The following PTPRD variants were observed in gnomAD, a reference collection of about 807,000 sequenced individuals.
PTPRD encodes protein tyrosine phosphatase receptor type D.
PTPRD carries 34 observed loss-of-function variants against 214.5 expected under a neutral mutation model. That is an observed-to-expected ratio of 0.16 (90% CI 0.12 to 0.21). The LOEUF (loss-of-function observed/expected upper bound fraction) is 0.21, where lower values mean the gene tolerates loss of function less well. Ranked by LOEUF, PTPRD falls within the 10% of genes least tolerant of loss-of-function variation. The probability of loss-of-function intolerance (pLI) is 1.00; values close to 1 mark genes in which losing one functional copy is unlikely to be tolerated. For synonymous variants in PTPRD, 1,128 were observed against 845.7 expected, an observed-to-expected ratio of 1.33 and a Z score of -5.79; for missense variants, 2,545 against 2,398.7, an observed-to-expected ratio of 1.06 and a Z score of -1.27.
intron 4 of PTPRD, among the ~76,000 whole-genome samples, chr9:9,954,017 C>A (rs1033789630): frequency 2.6e-5 from 4 of 152,138 alleles, no homozygotes; most frequent in South Asian, 2.1e-4. Context: ...AAAGAGCAGG[C>A]TGGTTGCGGT....
intron 2 of PTPRD, among the ~76,000 whole-genome samples, chr9:10,606,789 G>A (rs1471637698): frequency 1.3e-5 from 2 of 151,846 alleles, no homozygotes; most frequent in African/African-American, 4.8e-5. Context: ...TCGTGTAGCT[G>A]CTGAAGGAGT....
At chr9:8,816,124 C>A (rs74823645) in intron 11 of PTPRD, among the ~76,000 whole-genome samples, 2 of 152,140 alleles carry the variant, frequency 1.3e-5, no homozygotes, top group Admixed American at 1.3e-4. Context: ...CCCTTTGTCT[C>A]CTCAAAACAG....
At chr9:9,005,525 C>T (rs2099458687) in intron 11 of PTPRD, among the ~76,000 whole-genome samples, 1 of 152,026 alleles carries the variant, frequency 6.6e-6, no homozygotes, top group African/African-American at 2.4e-5. Context: ...AACCACCCAA[C>T]TTTCACAGAT....
chr9:9,615,826 A>T (rs975252763), intron 7 of PTPRD, among the ~76,000 whole-genome samples: 2 of 152,190 alleles, frequency 1.3e-5, no homozygotes, highest in Non-Finnish European at 2.9e-5. Context: ...ACTAAGCCTT[A>T]AACTTAGAAA....
chr9:10,150,677 T>C (rs879234263), intron 3 of PTPRD, among the ~76,000 whole-genome samples: 1 of 145,018 alleles, frequency 6.9e-6, no homozygotes, highest in Non-Finnish European at 1.5e-5. Context: ...AACTTAAAAA[T>C]GAAAAAAATA....
intron 2 of PTPRD, among the ~76,000 whole-genome samples, chr9:10,439,255 T>C (rs1412159888): frequency 1.3e-5 from 2 of 151,804 alleles, no homozygotes; most frequent in African/African-American, 2.4e-5. Flanking sequence ...TGAATGACTT[T>C]TTATGACCCA....
chr9:9,275,844 T>A (rs1945419044), intron 9 of PTPRD, among the ~76,000 whole-genome samples: 1 of 151,070 alleles, frequency 6.6e-6, no homozygotes, highest in African/African-American at 2.4e-5. Flanking sequence ...TGTGTGTGTG[T>A]GTGTGTGTGT....
At chr9:9,903,296 T>A (rs761068604) in intron 5 of PTPRD, among the ~76,000 whole-genome samples, 4 of 152,116 alleles carry the variant, frequency 2.6e-5, no homozygotes, top group Non-Finnish European at 4.4e-5. Flanking sequence ...AGAACTCGAG[T>A]AGTATTTTAA....
chr9:9,218,240 T>G (rs2099953548), intron 9 of PTPRD, among the ~76,000 whole-genome samples: 1 of 152,188 alleles, frequency 6.6e-6, no homozygotes, highest in Admixed American at 6.6e-5. Flanking sequence ...GTTTCAATTT[T>G]TTCTCTTTAT....
At chr9:10,006,444 C>T (rs576725609) in intron 4 of PTPRD, among the ~76,000 whole-genome samples, 10 of 151,862 alleles carry the variant, frequency 6.6e-5, no homozygotes, top group South Asian at 2.1e-4. Context: ...ATTGGCAAAC[C>T]GTTACTTATT....
chr9:10,410,348 T>C (rs1259862120), intron 2 of PTPRD, among the ~76,000 whole-genome samples: 1 of 149,342 alleles, frequency 6.7e-6, no homozygotes, highest in Non-Finnish European at 1.5e-5. Context: ...CATATTCCTC[T>C]CTCTGCATCT....
At chr9:9,365,987 A>T (rs1161222034) in intron 9 of PTPRD, among the ~76,000 whole-genome samples, 2 of 151,526 alleles carry the variant, frequency 1.3e-5, no homozygotes, top group African/African-American at 4.8e-5. Flanking sequence ...TTAAACTATA[A>T]TATTATAAAT....
rs564150876 is a variant in PTPRD at position 9,595,480 on chromosome 9, A to G, written c.-286-20699T>C. On this transcript the variant is annotated intron_variant, in intron 7 of 45. Coordinates refer to ENST00000381196, the MANE Select transcript of PTPRD (RefSeq NM_002839.4). ...TGTACGCATATGTACACATGCATAC[A>G]CATGTATGCATATGTACACATGTAC... 4.2e-3 allele frequency among the ~76,000 whole-genome samples: 632 copies of G among 150,836 alleles called. 5 individuals are homozygous for G. Among genetic ancestry groups the G allele is most frequent in the African/African-American group, 0.014 (587 of 41,134 alleles).
At chr9:8,776,098 G>A (rs2095461307) in intron 11 of PTPRD, among the ~76,000 whole-genome samples, 1 of 152,084 alleles carries the variant, frequency 6.6e-6, no homozygotes, top group East Asian at 1.9e-4. Flanking sequence ...TGTTCCCAGA[G>A]ACTATCATAG....
At chr9:9,839,365 A>C (rs529794090) in intron 5 of PTPRD, among the ~76,000 whole-genome samples, 231 of 152,304 alleles carry the variant, frequency 1.5e-3, no homozygotes, top group African/African-American at 5.4e-3. Flanking sequence ...CTCAGGATAC[A>C]AAATCAATGT....
intron 9 of PTPRD, among the ~76,000 whole-genome samples, chr9:9,309,218 TG>T (rs1218560428): frequency 9.2e-5 from 14 of 152,068 alleles, no homozygotes; most frequent in African/African-American, 2.7e-4. Context: ...TGTATGTTTT[TG>T]TTTTTTTTTT....
At chr9:8,766,216 C>T (rs1008124402) in intron 11 of PTPRD, among the ~76,000 whole-genome samples, 1 of 151,840 alleles carries the variant, frequency 6.6e-6, no homozygotes, top group Non-Finnish European at 1.5e-5. Context: ...AATCCCCAGC[C>T]GAGGCCACTG....
chr9:8,918,012 C>G (rs1450461066), intron 11 of PTPRD, among the ~76,000 whole-genome samples: 3 of 152,092 alleles, frequency 2.0e-5, no homozygotes, highest in Non-Finnish European at 2.9e-5. Flanking sequence ...GGATTTCGGG[C>G]CTCAGAATCA....
chr9:8,384,323 T>C (rs2086210440), intron 37 of PTPRD, among the ~76,000 whole-genome samples: 1 of 152,142 alleles, frequency 6.6e-6, no homozygotes, highest in Non-Finnish European at 1.5e-5. Context: ...AGAAACCACA[T>C]TCTAGGGAAC....
Sources: gnomAD v4.1 joint callset for allele counts (sites outside exome capture counted in the v4.1 genomes callset) on GRCh38, gnomAD v4.1.1 for gene constraint, MANE v1.5 for transcripts, NCBI Gene and HGNC (gene_info 2026-07-23, HGNC 2026-07-21) for gene names.